The following NRXN1 variants were observed in gnomAD, a reference collection of about 807,000 sequenced individuals.
The protein encoded by NRXN1 is neurexin-1.
NRXN1 carries 39 observed loss-of-function variants against 150.9 expected under a neutral mutation model. The observed-to-expected ratio is 0.26, with a 90% CI of 0.20 to 0.34. The LOEUF is 0.34. Among genes scored for constraint, NRXN1 ranks in the 10% least tolerant of loss-of-function variants. The pLI is 1.00. For synonymous variants in NRXN1, 924 were observed against 757.0 expected (o/e 1.22, Z -3.62); for missense variants, 1,815 against 1,949.9 (o/e 0.93, Z 1.30).
chr2:50,145,319 T>C (rs529057041), intron 18 of NRXN1, among the ~76,000 whole-genome samples: 38 of 151,612 alleles, frequency 2.5e-4, no homozygotes, highest in South Asian at 8.3e-4. Flanking sequence ...CACACAGAAA[T>C]TGTTTTTTTT....
intron 2 of NRXN1, among the ~76,000 whole-genome samples, chr2:50,951,942 A>AATATAT (rs1165247495): frequency 3.2e-4 from 36 of 112,796 alleles, no homozygotes; most frequent in South Asian, 8.8e-4. Flanking sequence ...TACATGAATA[A>AATATAT]ATATATATAT....
chr2:50,388,572 A>G (rs2081477403), intron 17 of NRXN1, among the ~76,000 whole-genome samples: 1 of 152,196 alleles, frequency 6.6e-6, no homozygotes, highest in Non-Finnish European at 1.5e-5. Context: ...GCTTCTCAGC[A>G]GGAAGTTGGC....
chr2:50,007,438 C>G (rs886468674), intron 21 of NRXN1, among the ~76,000 whole-genome samples: 12 of 152,152 alleles, frequency 7.9e-5, no homozygotes, highest in Middle Eastern at 6.8e-3. Flanking sequence ...GTGTCCATAT[C>G]TTCTCATTGT....
At chr2:50,626,365 T>A (rs1681051564) in intron 5 of NRXN1, among the ~76,000 whole-genome samples, 1 of 151,940 alleles carries the variant, frequency 6.6e-6, no homozygotes, top group African/African-American at 2.4e-5. Flanking sequence ...TGAAGTAAGT[T>A]GCCTGCGTAA....
chr2:50,937,500 G>A (rs1278317594), intron 2 of NRXN1, among the ~76,000 whole-genome samples: 1 of 152,114 alleles, frequency 6.6e-6, no homozygotes, highest in African/African-American at 2.4e-5. Flanking sequence ...CCAGATGTAA[G>A]GAACTCAATC....
intron 5 of NRXN1, among the ~76,000 whole-genome samples, chr2:50,840,229 T>A (rs1345816468): frequency 6.6e-6 from 1 of 152,178 alleles, no homozygotes; most frequent in Admixed American, 6.5e-5. Context: ...TCTCACATTT[T>A]ATCATTTTTA....
chr2:50,742,512 G>A (rs1178481142), intron 5 of NRXN1, among the ~76,000 whole-genome samples: 4 of 151,086 alleles, frequency 2.6e-5, no homozygotes, highest in African/African-American at 4.9e-5. Flanking sequence ...GGAGGCTGAG[G>A]CAGGAGAATC....
chr2:50,529,673 C>T (rs893521226), intron 11 of NRXN1, among the ~76,000 whole-genome samples: 1 of 152,140 alleles, frequency 6.6e-6, no homozygotes, highest in Non-Finnish European at 1.5e-5. Flanking sequence ...AGGACCAGCA[C>T]CTACACACCT....
chr2:50,198,164 T>G (rs17040169), intron 18 of NRXN1, among the ~76,000 whole-genome samples: 35,313 of 152,028 alleles, frequency 0.23, 4,962 homozygotes, highest in East Asian at 0.4. Flanking sequence ...CTGAGCTTTA[T>G]CTTTCCTGGG....
chr2:50,873,275 A>C (rs1678063910), intron 5 of NRXN1, among the ~76,000 whole-genome samples: 1 of 151,902 alleles, frequency 6.6e-6, no homozygotes, highest in South Asian at 2.1e-4. Flanking sequence ...CGGTTGTTAA[A>C]TAAAAGCAAT....
At chr2:50,833,973 A>C (rs180849399) in intron 5 of NRXN1, among the ~76,000 whole-genome samples, 2 of 152,312 alleles carry the variant, frequency 1.3e-5, no homozygotes, top group East Asian at 3.9e-4. Context: ...AAATTACATA[A>C]AAACAAATTT....
intron 17 of NRXN1, among the ~76,000 whole-genome samples, chr2:50,381,434 C>T (rs993869156): frequency 6.6e-5 from 10 of 151,476 alleles, no homozygotes; most frequent in African/African-American, 2.2e-4. Context: ...ACTGGGCTTA[C>T]GGCATGCCAA....
rs1667888796 is a variant in NRXN1 at position 49,919,782 on chromosome 2, T to C, written c.*2162A>G. 1 of 152,182 alleles carries C rather than the reference T, an allele frequency of 6.6e-6. No individual in the cohort carries two copies. 9.4% of individuals were successfully genotyped at this position (152,182 alleles called of 1,614,324 possible). ...CTGGGTCATAAAAAGCCACTAAATT[T>C]CTTTGTACACAACAATTACTTGGCA... On this transcript the variant is annotated 3_prime_UTR_variant, in exon 23 of 23. Coordinates refer to ENST00000401669, the MANE Select transcript of NRXN1 (RefSeq NM_001330078.2).
intron 5 of NRXN1, among the ~76,000 whole-genome samples, chr2:50,831,251 A>G (rs980027312): frequency 6.6e-5 from 10 of 152,270 alleles, no homozygotes; most frequent in African/African-American, 2.4e-4. Flanking sequence ...CAACAAGGAT[A>G]AATCTCAATA....
At chr2:50,697,371 G>T (rs930287824) in intron 5 of NRXN1, among the ~76,000 whole-genome samples, 1 of 152,172 alleles carries the variant, frequency 6.6e-6, no homozygotes, top group Non-Finnish European at 1.5e-5. Flanking sequence ...ATTTGTGTGT[G>T]ACAAAAGTTG....
chr2:50,427,037 T>C (rs542621773), intron 17 of NRXN1, among the ~76,000 whole-genome samples: 1 of 152,306 alleles, frequency 6.6e-6, no homozygotes, highest in East Asian at 1.9e-4. Flanking sequence ...GCTGCCACTC[T>C]TTACTGTCAG....
chr2:50,857,627 G>T (rs114558968), intron 5 of NRXN1, among the ~76,000 whole-genome samples: 7,155 of 152,112 alleles, frequency 0.047, 218 homozygotes, highest in Middle Eastern at 0.082. Context: ...TCTAGAGAGT[G>T]CTTCATCATG....
At chr2:50,092,637 T>C (rs760449739) in intron 18 of NRXN1, among the ~76,000 whole-genome samples, 1 of 152,238 alleles carries the variant, frequency 6.6e-6, no homozygotes, top group Non-Finnish European at 1.5e-5. Flanking sequence ...CTCATCATTA[T>C]TTGAACTAGG....
At chr2:50,664,217 C>A (rs147550530) in intron 5 of NRXN1, among the ~76,000 whole-genome samples, 4 of 151,846 alleles carry the variant, frequency 2.6e-5, no homozygotes, top group African/African-American at 9.7e-5. Flanking sequence ...AAACAGAATG[C>A]GTAACTTTCC....
Sources: allele counts gnomAD v4.1 joint callset (sites outside exome capture counted in the v4.1 genomes callset), GRCh38; gene constraint gnomAD v4.1.1; transcripts MANE v1.5; gene names NCBI Gene and HGNC (gene_info 2026-07-23, HGNC 2026-07-21).